The following ENOX1 variants were observed in gnomAD, a reference collection of about 807,000 sequenced individuals.
ENOX1 encodes the protein ecto-NOX disulfide-thiol exchanger 1, also known as candidate growth-related and time keeping constitutive hydroquinone (NADH) oxidase.
In ENOX1, 42 loss-of-function variants were observed where a neutral mutation model predicts 82.5. The ratio of observed to expected loss-of-function variants is 0.51; its 90% confidence interval spans 0.40 to 0.66. ENOX1 has a LOEUF of 0.66. Ranked by LOEUF, ENOX1 falls within the 30% of genes least tolerant of loss-of-function variation. The pLI is 0.00. For synonymous variants in ENOX1, 271 were observed against 282.2 expected, an observed-to-expected ratio of 0.96 and a Z score of 0.40; for missense variants, 608 against 811.6, an observed-to-expected ratio of 0.75 and a Z score of 3.05.
intron 1 of ENOX1, among the ~76,000 whole-genome samples, chr13:43,717,293 A>G (rs977878559): frequency 1.3e-5 from 2 of 152,216 alleles, no homozygotes; most frequent in Non-Finnish European, 2.9e-5. Context: ...CAATGGGGAA[A>G]GGACTTCCTG....
At chr13:43,696,790 C>T (rs1193768100) in intron 1 of ENOX1, among the ~76,000 whole-genome samples, 2 of 107,248 alleles carry the variant, frequency 1.9e-5, no homozygotes, top group African/African-American at 5.7e-5. Flanking sequence ...TTTGAGATTC[C>T]TTTGCTTTTT....
intron 1 of ENOX1, among the ~76,000 whole-genome samples, chr13:43,783,974 TGTTTTTCATTCACAGTAGGTG>T (rs1342297806): frequency 1.8e-4 from 28 of 152,356 alleles, no homozygotes; most frequent in Non-Finnish European, 3.4e-4. Flanking sequence ...GTCACTGCTT[TGTTTTTCATTCACAGTAGGTG>T]GTTGCCAGGC....
At chr13:43,539,801 T>A (rs2078630790) in intron 2 of ENOX1, among the ~76,000 whole-genome samples, 1 of 152,204 alleles carries the variant, frequency 6.6e-6, no homozygotes, top group Non-Finnish European at 1.5e-5. Flanking sequence ...TTTCTCCTCT[T>A]AGTTCTGTCA....
chr13:43,653,605 T>C (rs543214005), intron 2 of ENOX1, among the ~76,000 whole-genome samples: 4 of 136,602 alleles, frequency 2.9e-5, no homozygotes, highest in Non-Finnish European at 6.7e-5. Flanking sequence ...CAAATTTGTA[T>C]GTGCAAAAGA....
chr13:43,334,642 T>C (rs1193047182), intron 9 of ENOX1, among the ~76,000 whole-genome samples: 1 of 152,066 alleles, frequency 6.6e-6, no homozygotes, highest in Non-Finnish European at 1.5e-5. Flanking sequence ...GAGGTTATGA[T>C]GGAGCAGGAA....
At chr13:43,297,310 G>C (rs1047371206) in intron 12 of ENOX1, among the ~76,000 whole-genome samples, 3 of 151,944 alleles carry the variant, frequency 2.0e-5, no homozygotes, top group Non-Finnish European at 4.4e-5. Flanking sequence ...GGCAATCCAT[G>C]CTCTGGATGT....
intron 3 of ENOX1, among the ~76,000 whole-genome samples, chr13:43,417,517 G>A (rs764081590): frequency 1.2e-4 from 19 of 152,264 alleles, no homozygotes; most frequent in Non-Finnish European, 2.6e-4. Flanking sequence ...AGCATCTATT[G>A]TTCCTATTGA....
At chr13:43,562,092 C>G (rs1417765124) in intron 2 of ENOX1, among the ~76,000 whole-genome samples, 3 of 152,058 alleles carry the variant, frequency 2.0e-5, no homozygotes, top group Non-Finnish European at 4.4e-5. Flanking sequence ...CTCCACCACT[C>G]ATCTTCCTCA....
intron 2 of ENOX1, among the ~76,000 whole-genome samples, chr13:43,537,336 C>T (rs1370327568): frequency 6.6e-6 from 1 of 152,132 alleles, no homozygotes; most frequent in Non-Finnish European, 1.5e-5. Flanking sequence ...GAAACCTTCC[C>T]AGGGTAGAAG....
chr13:43,572,078 T>C (rs73476054), intron 2 of ENOX1, among the ~76,000 whole-genome samples: 1,616 of 152,268 alleles, frequency 0.011, 31 homozygotes, highest in African/African-American at 0.037. Context: ...TGAAGGTTGC[T>C]ATATATAAAC....
intron 2 of ENOX1, among the ~76,000 whole-genome samples, chr13:43,552,518 A>T (rs1389418069): frequency 6.6e-6 from 1 of 151,872 alleles, no homozygotes; most frequent in Non-Finnish European, 1.5e-5. Context: ...CTGGCTATAC[A>T]TTCTCCTCCC....
rs1343502509 is a variant in ENOX1 at position 43,513,035 on chromosome 13, G to A, written c.-218-28883C>T. ...TAATAATCATAATTTGTGGCTGGGC[G>A]CAGTGGCTCACGCCTGCAATCTCAG... On this transcript the variant is annotated intron_variant, in intron 2 of 16. Transcript: ENST00000690772. 2.6e-5 allele frequency among the ~76,000 whole-genome samples: 4 copies of A among 152,182 alleles called. No homozygotes were observed. In the South Asian group the frequency reaches 6.2e-4, roughly 24 times the overall value.
At chr13:43,783,129 C>A (rs1172870953) in intron 1 of ENOX1, among the ~76,000 whole-genome samples, 1 of 152,106 alleles carries the variant, frequency 6.6e-6, no homozygotes, top group Non-Finnish European at 1.5e-5. Context: ...TGAAAATTCA[C>A]ACAGAATAAG....
At chr13:43,754,841 G>T (rs1950560749) in intron 1 of ENOX1, among the ~76,000 whole-genome samples, 1 of 151,936 alleles carries the variant, frequency 6.6e-6, no homozygotes, top group Admixed American at 6.6e-5. Flanking sequence ...CAAAGTGCTG[G>T]GATTCCATTC....
At chr13:43,246,157 C>T (rs189620759) in intron 14 of ENOX1, among the ~76,000 whole-genome samples, 291 of 152,312 alleles carry the variant, frequency 1.9e-3, no homozygotes, top group Middle Eastern at 6.8e-3. Flanking sequence ...ACTCAATTGT[C>T]ATAAGTGCTC....
intron 5 of ENOX1, among the ~76,000 whole-genome samples, chr13:43,384,868 G>A (rs2052305798): frequency 6.6e-6 from 1 of 152,184 alleles, no homozygotes; most frequent in Admixed American, 6.5e-5. Context: ...TCAGTGGCAG[G>A]ATAATATACT....
intron 3 of ENOX1, among the ~76,000 whole-genome samples, chr13:43,468,516 G>A (rs536155526): frequency 1.9e-4 from 29 of 151,928 alleles, no homozygotes; most frequent in East Asian, 1.2e-3. Context: ...CAAAGCAGGC[G>A]CAGTGGCTCA....
At chr13:43,371,879 G>A (rs888248791) in intron 5 of ENOX1, among the ~76,000 whole-genome samples, 28 of 152,084 alleles carry the variant, frequency 1.8e-4, no homozygotes, top group African/African-American at 6.3e-4. Context: ...AAAGAGAACT[G>A]CAAATTGTGT....
chr13:43,596,215 G>A (rs2081465912), intron 2 of ENOX1, among the ~76,000 whole-genome samples: 1 of 152,202 alleles, frequency 6.6e-6, no homozygotes, highest in Admixed American at 6.5e-5. Flanking sequence ...AACATCTGGG[G>A]ACAGGGGAAA....
Sources: gnomAD v4.1 joint callset for allele counts (sites outside exome capture counted in the v4.1 genomes callset) on GRCh38, gnomAD v4.1.1 for gene constraint, MANE v1.5 for transcripts, NCBI Gene and HGNC (gene_info 2026-07-23, HGNC 2026-07-21) for gene names.